PANK2: variants seen among roughly 807,000 people sequenced by gnomAD.
PANK2 encodes the protein pantothenate kinase 2, mitochondrial.
In PANK2, 36 loss-of-function variants were observed where a neutral mutation model predicts 43.1. The ratio of observed to expected loss-of-function variants is 0.84; its 90% CI spans 0.64 to 1.10. PANK2 has a LOEUF of 1.10. Among genes scored for constraint, PANK2 ranks in the 50% least tolerant of loss-of-function variants. The pLI is 0.00. For synonymous variants in PANK2, 281 were observed against 238.2 expected, an observed-to-expected ratio of 1.18 and a Z score of -1.66; for missense variants, 576 against 593.3, an observed-to-expected ratio of 0.97 and a Z score of 0.30.
intron 2 of PANK2, chr20:3,908,644 A>G (rs1349839327): frequency 8.5e-6 from 2 of 236,482 alleles, no homozygotes; most frequent in Non-Finnish European, 1.7e-5. Flanking sequence ...AGTCTTGTCT[A>G]CCACATAATT....
At position 3,923,287 on chromosome 20, in the gene PANK2, T is replaced by G. The variant is rs2090675246; in HGVS notation, c.1376T>G (p.Ile459Ser). ...GGAGCACTCCTTGAGCTGTTGAAGA[T>G]CCCGTGATCATTACCTGGGGAGGGG... The change falls in exon 7 of 7, where the codon ATC becomes AGC. Residue 459 changes from isoleucine to serine, a missense_variant. This residue lies in a region of PANK2 where 32 missense variants were observed against 64.3 expected (regional missense o/e 0.50). Transcript: ENST00000610179. 6.2e-7 allele frequency: 1 copy of G among 1,614,196 alleles called. No individual in the cohort carries two copies. The highest frequency in any genetic ancestry group is 8.5e-7 in the Non-Finnish European group (1 of 1,180,032).
chr20:3,889,987 C>G, intron 1 of PANK2: 2 of 1,399,338 alleles, frequency 1.4e-6, no homozygotes, highest in South Asian at 1.3e-5. Flanking sequence ...CCTGTCCTCC[C>G]TTTTCTTAGC....
intron 1 of PANK2, among the ~76,000 whole-genome samples, chr20:3,899,678 A>G (rs1214466386): frequency 6.7e-6 from 1 of 148,240 alleles, no homozygotes; most frequent in Non-Finnish European, 1.5e-5. Flanking sequence ...CATAAGGAAC[A>G]TGGCTATTAC....
chr20:3,895,881 T>C lies in PANK2; in HGVS notation c.298+6153T>C, dbSNP rs2090198868. 2.0e-5 allele frequency among the ~76,000 whole-genome samples: 3 copies of C among 152,172 alleles called. No homozygotes were observed. The South Asian group carries it at 6.2e-4, about 32-fold the overall frequency. Reference sequence around the variant, plus strand: ...CTTTTATAAGTATCTAGTCCCTGAGTTTAAAACTATTTTGGGAATAAGAAT... The same window carrying C: ...CTTTTATAAGTATCTAGTCCCTGAGCTTAAAACTATTTTGGGAATAAGAAT... On this transcript the variant is annotated intron_variant, in intron 1 of 6. Coordinates refer to ENST00000610179, the MANE Select transcript of PANK2 (RefSeq NM_001386393.1).
Position 3,910,710 on chromosome 20 carries a change from G to A in PANK2, c.785G>A (p.Cys262Tyr), listed in dbSNP as rs149907912. The change falls in exon 3 of 7, where the codon TGT (cysteine) becomes TAT (tyrosine). Residue 262 changes from cysteine to tyrosine, a missense_variant. Around this residue, in one of 2 missense-constraint regions of PANK2, gnomAD observed 544 missense variants for 528.9 expected, o/e 1.03. Transcript: ENST00000610179. Reference sequence around the variant, plus strand: ...GAAAACCCTGCTGATTCTGAAAAGTGTCAGAAGTTACCATTTGATTTGAAA... The same window carrying A: ...GAAAACCCTGCTGATTCTGAAAAGTATCAGAAGTTACCATTTGATTTGAAA... 1.9e-6 allele frequency: 3 copies of A among 1,614,048 alleles called. No homozygotes were observed. Among genetic ancestry groups the A allele is most frequent in the Non-Finnish European group, 2.5e-6 (3 of 1,180,040 alleles).
chr20:3,889,235 C>T, upstream of PANK2: 1 of 1,613,374 alleles, frequency 6.2e-7, no homozygotes, highest in Non-Finnish European at 8.5e-7. Flanking sequence ...CGCCCCGTCA[C>T]GATAGCCTCT....
At chr20:3,891,891 T>A (rs1342156912) in intron 1 of PANK2, among the ~76,000 whole-genome samples, 2 of 152,262 alleles carry the variant, frequency 1.3e-5, no homozygotes, top group African/African-American at 2.4e-5. Flanking sequence ...TGATGTTTGA[T>A]GTTTGTCGTG....
intron 3 of PANK2, 124 bp downstream of exon 3, chr20:3,910,954 A>C: frequency 8.2e-7 from 1 of 1,225,190 alleles, no homozygotes; most frequent in Non-Finnish European, 1.2e-6. Context: ...TATGCAAACA[A>C]ATGTTTCTCT....
At chr20:3,900,832 G>A (rs1011023380) in intron 1 of PANK2, among the ~76,000 whole-genome samples, 4 of 151,630 alleles carry the variant, frequency 2.6e-5, no homozygotes, top group South Asian at 4.2e-4. Flanking sequence ...GCAGTGGTGC[G>A]ATCTTGGCTC....
chr20:3,893,836 T>TTGAC (rs2090160558), intron 1 of PANK2, among the ~76,000 whole-genome samples: 1 of 152,018 alleles, frequency 6.6e-6, no homozygotes, highest in Admixed American at 6.6e-5. Flanking sequence ...TTAGGACGGA[T>TTGAC]TGACCCCTGG....
chr20:3,888,973 G>C (rs983070710), upstream of PANK2: 4 of 722,112 alleles, frequency 5.5e-6, no homozygotes, highest in African/African-American at 3.6e-5. Flanking sequence ...GCACTGCTGG[G>C]CTGGAGGAGG....
At chr20:3,889,101 A>G, upstream of PANK2, 1 of 1,541,872 alleles carries the variant, frequency 6.5e-7, no homozygotes, top group Admixed American at 2.0e-5. Context: ...GAGGGGGTGG[A>G]TGAGGAGGCT....
chr20:3,912,953 AAGAC>A (rs2090492539), intron 4 of PANK2, among the ~76,000 whole-genome samples: 1 of 150,672 alleles, frequency 6.6e-6, no homozygotes, highest in African/African-American at 2.5e-5. Flanking sequence ...AAAAAAAAAA[AAGAC>A]ATAAAATAAT....
At chr20:3,908,741 A>G (rs761301743) in intron 2 of PANK2, 32 of 230,570 alleles carry the variant, frequency 1.4e-4, no homozygotes, top group Non-Finnish European at 6.0e-5. Context: ...TTTCAGGCTC[A>G]GGGCTGGTCT....
At chr20:3,912,423 TG>T (rs2090481666) in intron 3 of PANK2, 34 bp from the exon 4 acceptor site, 1 of 1,605,114 alleles carries the variant, frequency 6.2e-7, no homozygotes, top group Admixed American at 1.7e-5. Flanking sequence ...TTTTTAAAAA[TG>T]TTATAATACT....
intron 6 of PANK2, among the ~76,000 whole-genome samples, chr20:3,922,472 G>A (rs1240709234): frequency 1.3e-5 from 2 of 152,156 alleles, no homozygotes; most frequent in African/African-American, 4.8e-5. Context: ...GAGCCTCCGT[G>A]CTTCCTCAGG....
In PANK2 at chr20:3,889,546, A is replaced by G. The variant is rs2146805054; in HGVS notation, c.116A>G (p.Glu39Gly). ...GCCACCTCCGTCTCGTCGGCTGGGGAGCAGGCGGCCGGGGACCCCGAAGGG... is the reference window on the plus strand; with the variant it reads ...GCCACCTCCGTCTCGTCGGCTGGGGGGCAGGCGGCCGGGGACCCCGAAGGG... Residue 39 changes from glutamate to glycine, a missense_variant, in exon 1 of 7, where the codon GAG (glutamate) becomes GGG (glycine). Transcript: ENST00000610179. The G allele has an allele frequency of 2.1e-6, 3 of 1,421,772 alleles. No individual in the cohort carries two copies. The highest frequency in any genetic ancestry group is 5.7e-5 in the East Asian group (2 of 35,348). 88.1% of individuals were successfully genotyped at this position (1,421,772 alleles called of 1,614,324 possible). A position where few individuals can be genotyped will look rare whatever the true frequency, so the allele number is the denominator to read the frequency against.
In PANK2 at chr20:3,910,763, A is replaced by G. The variant is rs1248605291; in HGVS notation, c.838A>G (p.Ile280Val). 1.2e-6 allele frequency: 2 copies of G among 1,614,162 alleles called. No individual in the cohort carries two copies. Among genetic ancestry groups the G allele is most frequent in the East Asian group, 2.2e-5 (1 of 44,880 alleles). ...TCCGTATCCTCTGCTTCTGGTGAAC[A>G]TTGGCTCAGGGGTTAGCATCTTAGC... Residue 280 changes from isoleucine to valine, a missense_variant, in exon 3 of 7, where the codon ATT becomes GTT. Transcript: ENST00000610179.
intron 1 of PANK2, among the ~76,000 whole-genome samples, chr20:3,898,204 ATTAT>A (rs1379377771): frequency 6.7e-6 from 1 of 150,310 alleles, no homozygotes; most frequent in Non-Finnish European, 1.5e-5. Context: ...TTTTTATTTT[ATTAT>A]TTATTTATTT....
Sources: gnomAD v4.1 joint callset for allele counts (sites outside exome capture counted in the v4.1 genomes callset) on GRCh38, gnomAD v4.1.1 for gene constraint, gnomAD v4.1.1 regional missense constraint, MANE v1.5 for transcripts, NCBI Gene and HGNC (gene_info 2026-07-23, HGNC 2026-07-21) for gene names.